The following CPEB1 variants were observed in gnomAD, a reference collection of about 807,000 sequenced individuals.
CPEB1 encodes cytoplasmic polyadenylation element-binding protein 1.
A neutral mutation model predicts 65.8 loss-of-function variants in CPEB1; 7 were observed. The ratio of observed to expected loss-of-function variants is 0.11; its 90% CI spans 0.06 to 0.20. The LOEUF (loss-of-function observed/expected upper bound fraction) is 0.20, where lower values mean the gene tolerates loss of function less well. Ranked by LOEUF, CPEB1 falls within the 10% of genes least tolerant of loss-of-function variation. The probability of loss-of-function intolerance (pLI) is 1.00; values close to 1 mark genes in which losing one functional copy is unlikely to be tolerated. For missense variants in CPEB1, 551 were observed against 712.2 expected, an observed-to-expected ratio of 0.77 and a Z score of 2.58; for synonymous variants, 262 against 260.0, an observed-to-expected ratio of 1.01 and a Z score of -0.08.
At chr15:82,621,547 G>T (rs1052795297) in intron 3 of CPEB1, among the ~76,000 whole-genome samples, 2 of 152,002 alleles carry the variant, frequency 1.3e-5, no homozygotes, top group Non-Finnish European at 2.9e-5. Context: ...CTTGAACCCG[G>T]GCAGAGGTTG....
chr15:82,559,755 G>C (rs564392199), intron 4 of CPEB1, among the ~76,000 whole-genome samples: 7 of 152,318 alleles, frequency 4.6e-5, no homozygotes, highest in Non-Finnish European at 8.8e-5. Flanking sequence ...TGCTTGGATT[G>C]ATAACCATCA....
chr15:82,613,629 G>A (rs944674214), intron 3 of CPEB1, among the ~76,000 whole-genome samples: 3 of 151,834 alleles, frequency 2.0e-5, no homozygotes, highest in African/African-American at 7.3e-5. Flanking sequence ...CCAAGTGCTG[G>A]GATTATAGAC....
intron 3 of CPEB1, among the ~76,000 whole-genome samples, chr15:82,594,113 T>C (rs548861138): frequency 1.3e-5 from 2 of 152,358 alleles, no homozygotes; most frequent in Admixed American, 6.5e-5. Flanking sequence ...AATCAGCCTG[T>C]TCTTCAAAGC....
intron 3 of CPEB1, among the ~76,000 whole-genome samples, chr15:82,597,104 C>T (rs935785138): frequency 1.4e-4 from 21 of 152,110 alleles, no homozygotes; most frequent in Admixed American, 8.5e-4. Flanking sequence ...CAGGTGGGAT[C>T]GCTTGAGCCC....
At chr15:82,588,028 C>T (rs1193183063) in intron 3 of CPEB1, among the ~76,000 whole-genome samples, 1 of 152,066 alleles carries the variant, frequency 6.6e-6, no homozygotes, top group African/African-American at 2.4e-5. Context: ...CTCAAGCGAT[C>T]CTCCCACCTC....
rs147083131 is a variant in CPEB1, at chr15:82,612,009, G to A, written c.271+15184C>T. Among the ~76,000 whole-genome samples the A allele has an allele frequency of 4.5e-3, 684 of 151,664 alleles. 3 individuals carry two copies. The highest frequency in any genetic ancestry group is 0.01 in the Middle Eastern group (3 of 294). On this transcript the variant is annotated intron_variant, in intron 3 of 12. Transcript: ENST00000684509. ...GCAGATCATGAGGTCAGGAGATCGA[G>A]ACCATCCTGGCTAACACGGTGAAAC... is the stretch of plus-strand genomic sequence containing the variant.
At chr15:82,627,407 T>A in intron 2 of CPEB1, 40 bp from the exon 3 acceptor site, 1 of 1,487,898 alleles carries the variant, frequency 6.7e-7, no homozygotes, top group South Asian at 1.3e-5. Context: ...TTTTCTACAC[T>A]CCTTTATGAC....
chr15:82,627,950 T>C (rs2045913171), intron 2 of CPEB1, among the ~76,000 whole-genome samples: 1 of 152,140 alleles, frequency 6.6e-6, no homozygotes, highest in Non-Finnish European at 1.5e-5. Flanking sequence ...CCACCCAGAA[T>C]GCCATGAATT....
chr15:82,614,572 T>G (rs2044505028), intron 3 of CPEB1, among the ~76,000 whole-genome samples: 1 of 151,980 alleles, frequency 6.6e-6, no homozygotes, highest in African/African-American at 2.4e-5. Context: ...CAGTACCAAA[T>G]GTGGGGGGGA....
At chr15:82,580,176 C>CT in intron 3 of CPEB1, among the ~76,000 whole-genome samples, 1 of 151,602 alleles carries the variant, frequency 6.6e-6, no homozygotes, top group South Asian at 2.1e-4. Context: ...TAAAAATTAG[C>CT]TGGGCATGGT....
chr15:82,621,034 C>T (rs1419737914), intron 3 of CPEB1, among the ~76,000 whole-genome samples: 1 of 152,186 alleles, frequency 6.6e-6, no homozygotes, highest in Admixed American at 6.5e-5. Flanking sequence ...CAGTAAGGTT[C>T]CATAAAAGTT....
At chr15:82,600,387 A>G (rs1303145052) in intron 3 of CPEB1, among the ~76,000 whole-genome samples, 1 of 152,218 alleles carries the variant, frequency 6.6e-6, no homozygotes, top group Non-Finnish European at 1.5e-5. Flanking sequence ...AAAAATATTC[A>G]TCTTTAACAT....
chr15:82,639,474 C>T (rs2046926338), intron 1 of CPEB1, among the ~76,000 whole-genome samples: 1 of 150,556 alleles, frequency 6.6e-6, no homozygotes, highest in Non-Finnish European at 1.5e-5. Context: ...TGTGGGTATT[C>T]TTTTGGGTCT....
chr15:82,565,874 AACAGACGT>A (rs750101131), intron 4 of CPEB1, among the ~76,000 whole-genome samples: 14 of 152,186 alleles, frequency 9.2e-5, no homozygotes, highest in Non-Finnish European at 1.5e-4. Context: ...CTCTTCCTAG[AACAGACGT>A]ACCCATCCCC....
chr15:82,632,433 A>C (rs2046339864), intron 1 of CPEB1, among the ~76,000 whole-genome samples: 1 of 152,180 alleles, frequency 6.6e-6, no homozygotes, highest in Admixed American at 6.5e-5. Context: ...TACTTGTGAC[A>C]TACTGGTGTT....
intron 3 of CPEB1, among the ~76,000 whole-genome samples, chr15:82,597,425 G>T (rs112348323): frequency 1.3e-5 from 2 of 152,166 alleles, no homozygotes; most frequent in African/African-American, 4.8e-5. Flanking sequence ...TAAGCATTTC[G>T]TGGGGCAGGG....
At chr15:82,604,896 A>G (rs2043426359) in intron 3 of CPEB1, among the ~76,000 whole-genome samples, 3 of 152,216 alleles carry the variant, frequency 2.0e-5, no homozygotes, top group Non-Finnish European at 4.4e-5. Context: ...ATATTCAAAA[A>G]ATCCAATGAA....
intron 3 of CPEB1, among the ~76,000 whole-genome samples, chr15:82,600,178 C>G (rs2042981389): frequency 6.6e-6 from 1 of 151,902 alleles, no homozygotes; most frequent in Admixed American, 6.6e-5. Flanking sequence ...AAACAAGGAA[C>G]AAAAGAGAGA....
chr15:82,633,663 G>A (rs1055542438), intron 1 of CPEB1, among the ~76,000 whole-genome samples: 2 of 152,210 alleles, frequency 1.3e-5, no homozygotes, highest in Admixed American at 6.5e-5. Flanking sequence ...ATGAGCCACA[G>A]TGCCTGGCCC....
Sources: allele counts gnomAD v4.1 joint callset (sites outside exome capture counted in the v4.1 genomes callset), GRCh38; gene constraint gnomAD v4.1.1; transcripts MANE v1.5; gene names NCBI Gene and HGNC (gene_info 2026-07-23, HGNC 2026-07-21).